The following PLCG2 variants were observed in gnomAD, a reference collection of about 807,000 sequenced individuals.
The protein encoded by PLCG2 is 1-phosphatidylinositol 4,5-bisphosphate phosphodiesterase gamma-2.
A neutral mutation model predicts 175.6 loss-of-function variants in PLCG2; 69 were observed. That is an observed-to-expected ratio of 0.39 (90% CI 0.32 to 0.48). The LOEUF is 0.48. Among genes scored for constraint, PLCG2 ranks in the 20% least tolerant of loss-of-function variants. The pLI is 0.91. For missense variants in PLCG2, 1,798 were observed against 1,650.9 expected (o/e 1.09, Z -1.54); for synonymous variants, 827 against 624.0 (o/e 1.33, Z -4.85).
At chr16:81,772,349 C>G (rs1910300163) in intron 2 of PLCG2, among the ~76,000 whole-genome samples, 1 of 152,136 alleles carries the variant, frequency 6.6e-6, no homozygotes, top group Non-Finnish European at 1.5e-5. Flanking sequence ...AAGGAGGGAA[C>G]CAGTGCTGCT....
chr16:81,957,320 CAAAA>C (rs1555524692), intron 32 of PLCG2, among the ~76,000 whole-genome samples: 1 of 149,062 alleles, frequency 6.7e-6, no homozygotes, highest in Admixed American at 6.7e-5. Context: ...AACAAACAAA[CAAAA>C]AATCCTTTGG....
chr16:81,896,036 G>A lies in PLCG2; in HGVS notation c.1193+109G>A, dbSNP rs9928597. 91,074 of 1,352,688 alleles carry A rather than the reference G, an allele frequency of 0.067. 3,435 individuals carry two copies. Among genetic ancestry groups the A allele is most frequent in the Non-Finnish European group, 0.077 (74,160 of 965,028 alleles). The allele number at this position is 1,352,688 out of a possible 1,614,324, so 83.8% of individuals were successfully genotyped here. On this transcript the variant is annotated intron_variant, in intron 13 of 32. Coordinates refer to ENST00000564138, the MANE Select transcript of PLCG2 (RefSeq NM_002661.5). ...CACACAGACACCTCCCTCCAAATGC[G>A]GGAAGGCCTGGGCCCCATCTTGGCC...
intron 2 of PLCG2, among the ~76,000 whole-genome samples, chr16:81,823,220 C>G (rs1482988028): frequency 2.6e-5 from 4 of 152,356 alleles, no homozygotes; most frequent in African/African-American, 9.6e-5. Context: ...TAGGGGAGGT[C>G]TGGCTTCCCC....
chr16:81,933,367 C>G (rs968420432), intron 25 of PLCG2, among the ~76,000 whole-genome samples: 1 of 152,166 alleles, frequency 6.6e-6, no homozygotes, highest in African/African-American at 2.4e-5. Flanking sequence ...CGGATAAACT[C>G]TTTGTCACTG....
intron 31 of PLCG2, among the ~76,000 whole-genome samples, chr16:81,956,355 T>C (rs182446118): frequency 1.8e-4 from 27 of 152,314 alleles, no homozygotes; most frequent in Admixed American, 5.2e-4. Flanking sequence ...TTAGACACTT[T>C]TGCAGTCAGG....
intron 30 of PLCG2, among the ~76,000 whole-genome samples, chr16:81,943,713 T>A (rs4519328): frequency 0.38 from 57,755 of 152,096 alleles, 13,681 homozygotes; most frequent in African/African-American, 0.68. Context: ...ACTGGGCTAG[T>A]CTGCAAGAAT....
intron 27 of PLCG2, among the ~76,000 whole-genome samples, chr16:81,936,791 C>A (rs184092108): frequency 6.6e-6 from 1 of 152,176 alleles, no homozygotes; most frequent in African/African-American, 2.4e-5. Context: ...ACAAAGTGAT[C>A]GCATAAATCA....
intron 26 of PLCG2, 119 bp downstream of exon 26, chr16:81,934,650 G>C (rs1410983223): frequency 4.3e-6 from 3 of 693,960 alleles, no homozygotes; most frequent in Non-Finnish European, 7.6e-6. Context: ...ACTCCCAGTA[G>C]ATGGCCCCAC....
At chr16:81,898,273 A>C (rs1401938347) in intron 13 of PLCG2, 1 of 153,046 alleles carries the variant, frequency 6.5e-6, no homozygotes, top group East Asian at 1.9e-4. Flanking sequence ...ATGTTTTGGC[A>C]GCAAAAGCCA....
chr16:81,931,036 G>A (rs1171297612), intron 24 of PLCG2, among the ~76,000 whole-genome samples: 1 of 152,008 alleles, frequency 6.6e-6, no homozygotes, highest in Non-Finnish European at 1.5e-5. Flanking sequence ...TGATCAAGAC[G>A]AACACATGTC....
intron 1 of PLCG2, among the ~76,000 whole-genome samples, chr16:81,752,455 G>A (rs1245846333): frequency 2.0e-5 from 3 of 152,184 alleles, no homozygotes; most frequent in Admixed American, 1.3e-4. Context: ...GGTGGAGGCG[G>A]CTGGCCGTGG....
chr16:81,870,777 T>C (rs1232430006), intron 6 of PLCG2, 75 bp from the exon 7 acceptor site: 5 of 747,748 alleles, frequency 6.7e-6, no homozygotes, highest in African/African-American at 1.8e-5. Flanking sequence ...AAACAAAAAT[T>C]ATTCTATAAA....
intron 5 of PLCG2, 102 bp from the exon 6 acceptor site, chr16:81,869,112 C>T: frequency 6.3e-6 from 5 of 791,894 alleles, no homozygotes; most frequent in South Asian, 4.5e-5. Context: ...TGACCAGGCT[C>T]TCTCATAGAG....
chr16:81,860,169 A>ATTTTTTT (rs1375490447), intron 5 of PLCG2, among the ~76,000 whole-genome samples: 10 of 93,364 alleles, frequency 1.1e-4, no homozygotes, highest in East Asian at 2.4e-4. Context: ...TATTATTATT[A>ATTTTTTT]TTATTTTTTT....
chr16:81,921,956 G>T (rs1400985004), intron 21 of PLCG2, among the ~76,000 whole-genome samples: 1 of 152,210 alleles, frequency 6.6e-6, no homozygotes, highest in African/African-American at 2.4e-5. Context: ...ATTGAGCTGT[G>T]TGTGAAATGC....
intron 13 of PLCG2, chr16:81,898,264 T>C (rs1022925690): frequency 6.5e-6 from 1 of 153,236 alleles, no homozygotes; most frequent in Non-Finnish European, 1.5e-5. Flanking sequence ...AATGCATTAA[T>C]GTTTTGGCAG....
intron 2 of PLCG2, among the ~76,000 whole-genome samples, chr16:81,757,210 T>C (rs1034232103): frequency 2.6e-5 from 4 of 152,150 alleles, no homozygotes; most frequent in African/African-American, 9.7e-5. Flanking sequence ...CATTCAATCA[T>C]CTCTTTATCC....
chr16:81,781,631 A>G (rs1910736197), intron 1 of PLCG2, among the ~76,000 whole-genome samples: 1 of 152,136 alleles, frequency 6.6e-6, no homozygotes, highest in African/African-American at 2.4e-5. Flanking sequence ...TCCTTTGAAA[A>G]TAGTGTATTC....
chr16:81,753,342 G>GTTTTTTT (rs34438350), intron 1 of PLCG2, among the ~76,000 whole-genome samples: 5,811 of 89,268 alleles, frequency 0.065, no homozygotes, highest in Non-Finnish European at 0.082. Flanking sequence ...GTCCTGGCAG[G>GTTTTTTT]TTTTTTTTTT....
Sources: gnomAD v4.1 joint callset for allele counts (sites outside exome capture counted in the v4.1 genomes callset) on GRCh38, gnomAD v4.1.1 for gene constraint, MANE v1.5 for transcripts, NCBI Gene and HGNC (gene_info 2026-07-23, HGNC 2026-07-21) for gene names.